TMEM50B: variants seen among roughly 807,000 people sequenced by gnomAD.
TMEM50B encodes the protein transmembrane protein 50B, also known as HCV p7-trans-regulated protein 3.
TMEM50B carries 14 observed loss-of-function variants against 23.4 expected under a neutral mutation model. The observed-to-expected ratio is 0.60, with a 90% CI of 0.39 to 0.93. TMEM50B has a LOEUF of 0.93. Ranked by LOEUF, TMEM50B falls within the 40% of genes least tolerant of loss-of-function variation. The pLI is 0.00. For missense variants in TMEM50B, 159 were observed against 193.0 expected (o/e 0.82, Z 1.04); for synonymous variants, 64 against 62.3 (o/e 1.03, Z -0.13).
chr21:33,436,927 G>A, intron 8 of TMEM50B: 1 of 1,614,032 alleles, frequency 6.2e-7, no homozygotes. Context: ...CTCGTTTCCG[G>A]AAAAGGAGCA....
Position 33,449,667 on chromosome 21 carries a change from T to C in TMEM50B, c.*1151A>G, listed in dbSNP as rs772699221. The C allele has an allele frequency of 2.6e-5, 4 of 152,252 alleles. No individual in the cohort carries two copies. Among genetic ancestry groups the C allele is most frequent in the Non-Finnish European group, 5.9e-5 (4 of 68,036 alleles). 9.4% of individuals were successfully genotyped at this position (152,252 alleles called of 1,614,324 possible). A position where few individuals can be genotyped will look rare whatever the true frequency, so the allele number is the denominator to read the frequency against. ...GCAGTCGGTAACTGAGTAGATGAAATGCATAATTTTTCACTAGGTGATAAT... is the reference window on the plus strand; with the variant it reads ...GCAGTCGGTAACTGAGTAGATGAAACGCATAATTTTTCACTAGGTGATAAT... On this transcript the variant is annotated 3_prime_UTR_variant, in exon 7 of 7. Transcript: ENST00000542230.
chr21:33,446,679 C>CAAAAAAAAAAAAAAAAAA (rs1409384682), downstream of TMEM50B, among the ~76,000 whole-genome samples: 3 of 102,360 alleles, frequency 2.9e-5, no homozygotes, highest in African/African-American at 7.4e-5. Flanking sequence ...AAAAAAAAAA[C>CAAAAAAAAAAAAAAAAAA]CTCTAAGAAA....
chr21:33,442,409 C>T (rs9974551), intron 7 of TMEM50B, among the ~76,000 whole-genome samples: 16,995 of 152,172 alleles, frequency 0.11, 1,379 homozygotes, highest in East Asian at 0.42. Context: ...GCCTCAGAGC[C>T]ACCCGTTGCT....
chr21:33,462,810 T>C (rs2084228667), intron 4 of TMEM50B, among the ~76,000 whole-genome samples: 1 of 152,254 alleles, frequency 6.6e-6, no homozygotes, highest in Non-Finnish European at 1.5e-5. Context: ...CCTTCCCTCA[T>C]TCCTGACATT....
At chr21:33,456,136 T>C (rs1355754780) in intron 5 of TMEM50B, 1 of 509,044 alleles carries the variant, frequency 2.0e-6, no homozygotes, top group Non-Finnish European at 3.9e-6. Flanking sequence ...AAATAAATTC[T>C]TGACTTTTAA....
chr21:33,462,316 T>C (rs886402510), intron 4 of TMEM50B, among the ~76,000 whole-genome samples: 2 of 152,100 alleles, frequency 1.3e-5, no homozygotes, highest in East Asian at 3.8e-4. Flanking sequence ...TAAACAGAAA[T>C]TGCACTATAT....
intron 7 of TMEM50B, among the ~76,000 whole-genome samples, chr21:33,441,591 T>C (rs984695671): frequency 6.6e-6 from 1 of 152,126 alleles, no homozygotes; most frequent in Non-Finnish European, 1.5e-5. Flanking sequence ...AAGGGCTTTG[T>C]GCAAGGTTGA....
At chr21:33,479,673 G>C (rs2843953) in intron 1 of TMEM50B, among the ~76,000 whole-genome samples, 165 bp downstream of exon 1, 1 of 152,114 alleles carries the variant, frequency 6.6e-6, no homozygotes, top group African/African-American at 2.4e-5. Context: ...GCGGGCCCGA[G>C]TCTGCAGGCC....
chr21:33,460,367 C>T (rs2084206410), intron 5 of TMEM50B, 46 bp downstream of exon 5: 14 of 1,218,614 alleles, frequency 1.1e-5, no homozygotes, highest in Non-Finnish European at 1.7e-5. Flanking sequence ...ATATAAAAGA[C>T]ATATCTGAAT....
At chr21:33,461,156 G>A (rs1055853896) in intron 4 of TMEM50B, among the ~76,000 whole-genome samples, 1 of 152,162 alleles carries the variant, frequency 6.6e-6, no homozygotes, top group Non-Finnish European at 1.5e-5. Flanking sequence ...CTGTTCACAG[G>A]TATACTGACA....
chr21:33,475,276 T>C (rs1294186416), intron 1 of TMEM50B, among the ~76,000 whole-genome samples: 2 of 152,166 alleles, frequency 1.3e-5, no homozygotes, highest in African/African-American at 4.8e-5. Context: ...ATCATTGCAA[T>C]AGTATTCTTT....
downstream of TMEM50B, among the ~76,000 whole-genome samples, chr21:33,444,634 G>A (rs756457192): frequency 6.6e-6 from 1 of 151,812 alleles, no homozygotes; most frequent in Non-Finnish European, 1.5e-5. Context: ...TTGGCACCAG[G>A]AGTAGAAACT....
Position 33,479,933 on chromosome 21 carries a change from G to C in TMEM50B, c.-137C>G, listed in dbSNP as rs1367182661. 1 of 152,222 alleles carries C rather than the reference G, an allele frequency of 6.6e-6. No homozygotes were observed. The highest frequency in any genetic ancestry group is 1.5e-5 in the Non-Finnish European group (1 of 68,040). The allele number at this position is 152,222 out of a possible 1,614,324, so 9.4% of individuals were successfully genotyped here. A position where few individuals can be genotyped will look rare whatever the true frequency, so the allele number is the denominator to read the frequency against. On this transcript the variant is annotated 5_prime_UTR_variant, in exon 1 of 7. Coordinates refer to ENST00000542230, the MANE Select transcript of TMEM50B (RefSeq NM_006134.7). ...GCCGGCGTCCCGCGGCTCCACCTCAGCCCCGGGAGCCCGGAGCTGGGAGCA... is the reference window on the plus strand; with the variant it reads ...GCCGGCGTCCCGCGGCTCCACCTCACCCCCGGGAGCCCGGAGCTGGGAGCA...
intron 8 of TMEM50B, among the ~76,000 whole-genome samples, chr21:33,435,650 C>T (rs1054066055): frequency 1.3e-5 from 2 of 151,714 alleles, no homozygotes; most frequent in African/African-American, 2.4e-5. Context: ...TTTGAGAGGC[C>T]GAGGTGGGTG....
intron 4 of TMEM50B, among the ~76,000 whole-genome samples, chr21:33,463,945 A>G (rs928906170): frequency 6.6e-6 from 1 of 152,078 alleles, no homozygotes. Flanking sequence ...TAATAAATAC[A>G]TTAGTGAATT....
At chr21:33,460,352 G>T in intron 5 of TMEM50B, 61 bp downstream of exon 5, 1 of 1,063,406 alleles carries the variant, frequency 9.4e-7, no homozygotes, top group Non-Finnish European at 1.5e-6. Flanking sequence ...GGTAGAGTAA[G>T]CCAAATATAA....
At chr21:33,446,428 G>T (rs1259121345), downstream of TMEM50B, among the ~76,000 whole-genome samples, 10 of 149,884 alleles carry the variant, frequency 6.7e-5, no homozygotes, top group Admixed American at 6.7e-5. Flanking sequence ...AGTAGAGATG[G>T]GTTTCACTAT....
chr21:33,475,611 G>A (rs1374248824), intron 1 of TMEM50B, among the ~76,000 whole-genome samples: 1 of 151,824 alleles, frequency 6.6e-6, no homozygotes, highest in Non-Finnish European at 1.5e-5. Context: ...CTCCCAAAGT[G>A]CTGGGAATAC....
intron 5 of TMEM50B, among the ~76,000 whole-genome samples, chr21:33,457,677 A>T (rs565768061): frequency 6.6e-6 from 1 of 151,888 alleles, no homozygotes; most frequent in South Asian, 2.1e-4. Context: ...AATACACTCA[A>T]CAATAGTAAA....
Sources: allele counts gnomAD v4.1 joint callset (sites outside exome capture counted in the v4.1 genomes callset), GRCh38; gene constraint gnomAD v4.1.1; transcripts MANE v1.5; gene names NCBI Gene and HGNC (gene_info 2026-07-23, HGNC 2026-07-21).